Variants in TOP1MT observed in about 807,000 individuals in gnomAD.
TOP1MT encodes the protein DNA topoisomerase I mitochondrial.
A neutral mutation model predicts 73.9 loss-of-function variants in TOP1MT; 80 were observed. That is an observed-to-expected ratio of 1.08 (90% CI 0.90 to 1.30). The LOEUF (loss-of-function observed/expected upper bound fraction) is 1.30, where lower values mean the gene tolerates loss of function less well. TOP1MT is among the 50% of genes most tolerant of loss of function. TOP1MT has a pLI of 0.00. For synonymous variants in TOP1MT, 338 were observed against 326.4 expected, an observed-to-expected ratio of 1.04 and a Z score of -0.38; for missense variants, 815 against 808.0, an observed-to-expected ratio of 1.01 and a Z score of -0.10.
chr8:143,354,366 A>G (rs1817371579), intron 1 of TOP1MT, among the ~76,000 whole-genome samples: 1 of 152,086 alleles, frequency 6.6e-6, no homozygotes, highest in Non-Finnish European at 1.5e-5. Flanking sequence ...ATGGAAATAG[A>G]AAGTAGATTA....
At chr8:143,324,332 T>C (rs1475678828) in intron 6 of TOP1MT, among the ~76,000 whole-genome samples, 153 bp downstream of exon 6, 2 of 152,226 alleles carry the variant, frequency 1.3e-5, no homozygotes, top group Non-Finnish European at 2.9e-5. Flanking sequence ...CTTTGGGGCT[T>C]GTGCCTGCTG....
chr8:143,348,652 C>T (rs1199949450), upstream of TOP1MT, among the ~76,000 whole-genome samples: 4 of 152,094 alleles, frequency 2.6e-5, no homozygotes, highest in South Asian at 2.1e-4. The surrounding 1 kb of genome is among the most constrained non-coding windows in gnomAD (Gnocchi z 4.6). Flanking sequence ...TAGCCCCATG[C>T]GCCGCTGAAA....
intron 2 of TOP1MT, among the ~76,000 whole-genome samples, chr8:143,340,643 G>A (rs144686393): frequency 4.9e-4 from 74 of 152,252 alleles, no homozygotes; most frequent in African/African-American, 9.4e-4. Flanking sequence ...GCGAGGCCAC[G>A]CCGCTGGCTG....
chr8:143,319,651 G>A lies in TOP1MT; in HGVS notation c.1146+1550C>T, dbSNP rs566885769. 1.8e-3 allele frequency among the ~76,000 whole-genome samples: 276 copies of A among 151,890 alleles called. 6 individuals carry two copies. The highest frequency in any genetic ancestry group is 0.014 in the Admixed American group (221 of 15,264). ...ACCAGAGATCTACCCAGCCCTTCCC[G>A]ACCACACTCATCCCTCTGGGCATCT... is the stretch of plus-strand genomic sequence containing the variant. On this transcript the variant is annotated intron_variant, in intron 8 of 13. Transcript: ENST00000329245.
At position 143,341,496 on chromosome 8, in the gene TOP1MT, C is replaced by G. The variant is rs537188527; in HGVS notation, c.29+1724G>C. Among the ~76,000 whole-genome samples the G allele has an allele frequency of 1.1e-4, 17 of 152,390 alleles. No individual in the cohort carries two copies. Among genetic ancestry groups the G allele is most frequent in the African/African-American group, 3.6e-4 (15 of 41,600 alleles). On this transcript the variant is annotated intron_variant, in intron 2 of 5. Coordinates refer to the TOP1MT transcript ENST00000518007. The surrounding 1 kb of genome is among the most constrained non-coding windows in gnomAD (Gnocchi z 4.1). ...GGGGCCACAGGGCCACAAACATACC[C>G]ACCCGGAGACCCCAGAGGAGGAGGG...
intron 12 of TOP1MT, 191 bp from the exon 13 acceptor site, chr8:143,310,408 T>C: frequency 4.0e-6 from 2 of 497,490 alleles, no homozygotes; most frequent in Non-Finnish European, 7.0e-6. Flanking sequence ...AGCTGCCAAG[T>C]CAGATACAGA....
At chr8:143,311,114 A>G (rs1213422026) in intron 12 of TOP1MT, among the ~76,000 whole-genome samples, 1 of 140,516 alleles carries the variant, frequency 7.1e-6, no homozygotes, top group Non-Finnish European at 1.5e-5. Flanking sequence ...CACCACGCAC[A>G]TGATTTTTTT....
chr8:143,315,692 C>A, intron 12 of TOP1MT, 35 bp downstream of exon 12: 1 of 1,580,052 alleles, frequency 6.3e-7, no homozygotes. Context: ...GGGACAGGGC[C>A]CCGGGAGAAG....
upstream of TOP1MT, among the ~76,000 whole-genome samples, chr8:143,356,781 G>GTC (rs1817415519): frequency 1.9e-5 from 1 of 53,874 alleles, no homozygotes; most frequent in Non-Finnish European, 3.1e-5. Context: ...GTGAGACTCT[G>GTC]TCTCAAAAAA....
At chr8:143,322,653 ACCACACACGCACG>A in intron 7 of TOP1MT, among the ~76,000 whole-genome samples, 1 of 65,430 alleles carries the variant, frequency 1.5e-5, no homozygotes, top group East Asian at 4.7e-4. Flanking sequence ...CCACACGCAC[ACCACACACGCACG>A]CCACACACGC....
At chr8:143,358,717 C>G (rs775331161), upstream of TOP1MT, 2 of 152,194 alleles carry the variant, frequency 1.3e-5, no homozygotes, top group Admixed American at 1.3e-4. Context: ...GCAGCAGGAC[C>G]GTTCCACAGA....
At chr8:143,347,422 T>C (rs1011086440), upstream of TOP1MT, among the ~76,000 whole-genome samples, 3 of 152,230 alleles carry the variant, frequency 2.0e-5, no homozygotes, top group African/African-American at 7.2e-5. Flanking sequence ...CCCAGAGTGC[T>C]GGGATTACAG....
chr8:143,309,530 T>G lies in TOP1MT; in HGVS notation c.1717A>C (p.Arg573=). 6.2e-7 allele frequency: 1 copy of G among 1,613,856 alleles called. No individual in the cohort carries two copies. The change falls in exon 14 of 14, where the codon AGG becomes CGG. Residue 573 remains arginine (R), a synonymous_variant. Coordinates refer to ENST00000329245, the MANE Select transcript of TOP1MT (RefSeq NM_052963.3). ...RISIAWCKRF[R]VPVEKIYSKT... is the part of the protein sequence containing the mutation. ...CTGTAGATCTTCTCCACTGGCACCC[T>G]GAACCGCTTGCACCTGCGGGAGGCA... is the stretch of plus-strand genomic sequence containing the variant.
chr8:143,327,787 G>A, intron 3 of TOP1MT: 1 of 437,702 alleles, frequency 2.3e-6, no homozygotes, highest in African/African-American at 2.0e-5. Flanking sequence ...TCCAGAAGCG[G>A]AGCCTGCACA....
At chr8:143,310,253 T>G (rs781562480) in intron 12 of TOP1MT, 36 bp from the exon 13 acceptor site, 1 of 1,454,050 alleles carries the variant, frequency 6.9e-7, no homozygotes, top group South Asian at 1.4e-5. Flanking sequence ...GGCCCCGCGC[T>G]GGACTAGCGC....
rs963766243 is a variant in TOP1MT at position 143,326,226 on chromosome 8, T to A, written c.479A>T (p.Lys160Met). The change falls in exon 4 of 14, where the codon AAG becomes ATG. Residue 160 changes from lysine to methionine, a missense_variant. By Grantham distance (95) the Lys-to-Met change is moderately conservative. This residue lies in a region of TOP1MT where 751 missense variants were observed against 725.4 expected (regional missense o/e 1.04). Transcript: ENST00000329245. ...AARKVLSREE[K>M]QKLKEEAEKL... ...CAACGCTCGAGGCAGCCCAACCTGC[T>A]TCTCCTCCCTGCTCAGGACTTTCCG... 6.2e-7 allele frequency: 1 copy of A among 1,613,866 alleles called. No individual in the cohort carries two copies. Among genetic ancestry groups the A allele is most frequent in the Non-Finnish European group, 8.5e-7 (1 of 1,179,992 alleles).
intron 9 of TOP1MT, 61 bp from the exon 10 acceptor site, chr8:143,317,898 G>A (rs752333680): frequency 4.1e-5 from 66 of 1,594,708 alleles, no homozygotes; most frequent in Middle Eastern, 3.3e-4. Context: ...AGCCTCCCGC[G>A]GGAAGGAAAG....
At position 143,324,541 on chromosome 8, in the gene TOP1MT, C is replaced by A. The variant is rs1249873642; in HGVS notation, c.760G>T (p.Glu254Ter). The A allele has an allele frequency of 6.2e-7, 1 of 1,613,898 alleles. No individual in the cohort carries two copies. Among genetic ancestry groups the A allele is most frequent in the South Asian group, 1.1e-5 (1 of 91,084 alleles). Residue 254 changes from glutamate (E) to a stop codon, truncating the protein, a stop_gained, in exon 6 of 14, where the codon GAG (glutamate) becomes TAG (stop). Coordinates refer to ENST00000329245, the MANE Select transcript of TOP1MT (RefSeq NM_052963.3). LOFTEE classifies it high-confidence loss of function. ...TACTTGATGGAGTTCTGAACGCTCTCGGTCCAAGCTGCCAGCCACGTGACG... is the reference window on the plus strand; with the variant it reads ...TACTTGATGGAGTTCTGAACGCTCTAGGTCCAAGCTGCCAGCCACGTGACG... Reference protein sequence around the residue: ...NTVTWLAAWTESVQNSIKYIM... With the variant: ...NTVTWLAAWT
chr8:143,309,967 G>A, intron 13 of TOP1MT, 101 bp downstream of exon 13: 2 of 1,597,380 alleles, frequency 1.3e-6, no homozygotes, highest in African/African-American at 1.3e-5. Context: ...GACCCCAGGG[G>A]ACACGGGACA....
Sources: gnomAD v4.1 joint callset for allele counts (sites outside exome capture counted in the v4.1 genomes callset) on GRCh38, gnomAD v4.1.1 for gene constraint, gnomAD v4.1.1 regional missense constraint, Gnocchi (gnomAD v3.1) non-coding constraint, MANE v1.5 for transcripts, NCBI Gene and HGNC (gene_info 2026-07-23, HGNC 2026-07-21) for gene names.